Variants in GRM7 observed in about 807,000 individuals in gnomAD.
The protein encoded by GRM7 is metabotropic glutamate receptor 7.
Under a neutral mutation model 84.5 loss-of-function variants are expected in GRM7, and 35 were observed. That is an observed-to-expected ratio of 0.41 (90% CI 0.32 to 0.55). The LOEUF (loss-of-function observed/expected upper bound fraction) is 0.55. Ranked by LOEUF, GRM7 falls within the 20% of genes least tolerant of loss-of-function variation. The pLI is 0.19. For missense variants in GRM7, 1,003 were observed against 1,194.6 expected (o/e 0.84, Z 2.36); for synonymous variants, 487 against 455.1 (o/e 1.07, Z -0.89).
chr3:6,968,445 A>G (rs1258464628), intron 1 of GRM7, among the ~76,000 whole-genome samples: 1 of 152,238 alleles, frequency 6.6e-6, no homozygotes, highest in Non-Finnish European at 1.5e-5. Context: ...TTGGAGGGAC[A>G]TAATTCAACA....
rs114089082 is a variant in GRM7 at position 7,342,919 on chromosome 3, G to A, written c.1033+36267G>A. Among the ~76,000 whole-genome samples the A allele has an allele frequency of 9.3e-3, 1,411 of 152,198 alleles. 13 individuals are homozygous for A. The highest frequency in any genetic ancestry group is 0.027 in the Admixed American group (409 of 15,274). On this transcript the variant is annotated intron_variant, in intron 4 of 9. Coordinates refer to ENST00000357716, the MANE Select transcript of GRM7 (RefSeq NM_000844.4). Reference sequence around the variant, plus strand: ...CTGCAATCTCTCATCTGTAAAATGCGGTATAGTTAACCTCTCTTAGGAGAT... The same window carrying A: ...CTGCAATCTCTCATCTGTAAAATGCAGTATAGTTAACCTCTCTTAGGAGAT...
At chr3:6,992,408 A>C (rs990046954) in intron 1 of GRM7, among the ~76,000 whole-genome samples, 3 of 152,216 alleles carry the variant, frequency 2.0e-5, no homozygotes, top group Non-Finnish European at 4.4e-5. Flanking sequence ...CAAATCACAA[A>C]AACAAGAACA....
At chr3:7,461,998 TTA>T (rs1323169569) in intron 7 of GRM7, among the ~76,000 whole-genome samples, 1 of 152,186 alleles carries the variant, frequency 6.6e-6, no homozygotes, top group East Asian at 1.9e-4. Context: ...AGGTTACTAC[TTA>T]GCAATTTCAC....
At chr3:6,952,181 T>C (rs1692807840) in intron 1 of GRM7, among the ~76,000 whole-genome samples, 1 of 152,148 alleles carries the variant, frequency 6.6e-6, no homozygotes, top group Admixed American at 6.5e-5. Context: ...CAAGGGTCGT[T>C]AGGAAGGAAC....
At chr3:7,435,729 C>T (rs1044391981) in intron 5 of GRM7, among the ~76,000 whole-genome samples, 15 of 146,990 alleles carry the variant, frequency 1.0e-4, no homozygotes, top group African/African-American at 3.8e-4. Context: ...GCTCTCTCCC[C>T]CAGGCTGGAG....
At chr3:7,140,446 A>G (rs1693911229) in intron 1 of GRM7, among the ~76,000 whole-genome samples, 1 of 152,064 alleles carries the variant, frequency 6.6e-6, no homozygotes. Flanking sequence ...AGGGCTTACG[A>G]GTAAAGGATT....
intron 4 of GRM7, among the ~76,000 whole-genome samples, chr3:7,375,472 C>T (rs1382345511): frequency 6.6e-6 from 1 of 152,068 alleles, no homozygotes; most frequent in Non-Finnish European, 1.5e-5. Context: ...CCCACATCAG[C>T]CTCCCAAAGT....
chr3:7,167,487 T>G (rs2648630), intron 2 of GRM7, among the ~76,000 whole-genome samples: 47,589 of 152,036 alleles, frequency 0.31, 9,216 homozygotes, highest in East Asian at 0.56. Context: ...AGGGAAACAT[T>G]GAATTTATTA....
intron 2 of GRM7, among the ~76,000 whole-genome samples, chr3:7,148,838 C>T (rs774004644): frequency 2.0e-5 from 3 of 152,126 alleles, no homozygotes; most frequent in Non-Finnish European, 2.9e-5. Context: ...AGCCTTTCCC[C>T]TTGAGGACGG....
At chr3:6,940,527 T>C (rs73126707) in intron 1 of GRM7, among the ~76,000 whole-genome samples, 15,986 of 152,292 alleles carry the variant, frequency 0.1, 890 homozygotes, top group African/African-American at 0.13. Flanking sequence ...GATAGTCATA[T>C]TCAATAAGAA....
chr3:7,381,165 T>A (rs889412141), intron 4 of GRM7, among the ~76,000 whole-genome samples: 8 of 145,844 alleles, frequency 5.5e-5, no homozygotes, highest in African/African-American at 2.2e-4. Context: ...ATTTAGTTAG[T>A]TTTTTTTTGA....
chr3:6,970,948 C>G (rs1280780812), intron 1 of GRM7, among the ~76,000 whole-genome samples: 3 of 151,792 alleles, frequency 2.0e-5, no homozygotes, highest in African/African-American at 7.3e-5. Flanking sequence ...TACGACTACA[C>G]TCCAGCCTGG....
chr3:7,400,934 TC>T (rs1181603485), intron 4 of GRM7, among the ~76,000 whole-genome samples: 9 of 152,124 alleles, frequency 5.9e-5, no homozygotes, highest in Admixed American at 5.2e-4. Flanking sequence ...AAATAATATA[TC>T]ATTCTTAGCC....
At chr3:7,548,203 A>G (rs1693265008) in intron 7 of GRM7, among the ~76,000 whole-genome samples, 1 of 152,230 alleles carries the variant, frequency 6.6e-6, no homozygotes, top group Non-Finnish European at 1.5e-5. Flanking sequence ...TCTTCGTGCC[A>G]TCCTCTAGGT....
At chr3:7,614,752 T>G (rs572612415) in intron 8 of GRM7, among the ~76,000 whole-genome samples, 1 of 152,216 alleles carries the variant, frequency 6.6e-6, no homozygotes, top group Non-Finnish European at 1.5e-5. Flanking sequence ...TAATAAAAAT[T>G]ATTACTTTCA....
At chr3:6,978,530 C>T (rs979522096) in intron 1 of GRM7, among the ~76,000 whole-genome samples, 1 of 152,064 alleles carries the variant, frequency 6.6e-6, no homozygotes, top group Admixed American at 6.6e-5. Context: ...GGGCACTGAT[C>T]GCCATTATTT....
chr3:7,137,734 C>T (rs1195363873), intron 1 of GRM7, among the ~76,000 whole-genome samples: 1 of 36,878 alleles, frequency 2.7e-5, no homozygotes, highest in Non-Finnish European at 5.1e-5. Context: ...GGTGGTGGCC[C>T]AATATTTGGA....
In GRM7 at chr3:7,127,223, C is replaced by T. The variant is rs553424605; in HGVS notation, c.520-19229C>T. ...AGCAACCACATTTACTCCATATTGACAGCGTCACACCTTTCTCTCCCCTAA... is the reference window on the plus strand; with the variant it reads ...AGCAACCACATTTACTCCATATTGATAGCGTCACACCTTTCTCTCCCCTAA... On this transcript the variant is annotated intron_variant, in intron 1 of 9. Transcript: ENST00000357716. 4.6e-5 allele frequency among the ~76,000 whole-genome samples: 7 copies of T among 152,314 alleles called. No individual in the cohort carries two copies. In the South Asian group the frequency reaches 1.5e-3, roughly 32 times the overall value.
chr3:7,347,330 CA>C (rs2125086886), intron 4 of GRM7, among the ~76,000 whole-genome samples: 1 of 152,188 alleles, frequency 6.6e-6, no homozygotes. Flanking sequence ...TGTTCTTGAG[CA>C]AAAGGATATT....
Sources: allele counts gnomAD v4.1 joint callset (sites outside exome capture counted in the v4.1 genomes callset), GRCh38; gene constraint gnomAD v4.1.1; transcripts MANE v1.5; gene names NCBI Gene and HGNC (gene_info 2026-07-23, HGNC 2026-07-21).